The following RHOD variants were observed in gnomAD, a reference collection of about 807,000 sequenced individuals.
RHOD encodes the protein ras homolog family member D, also known as rho-related GTP-binding protein RhoD.
Under a neutral mutation model 16.7 loss-of-function variants are expected in RHOD, and 11 were observed. That is an observed-to-expected ratio of 0.66 (90% CI 0.41 to 1.09). The LOEUF is 1.09. RHOD is among the 50% of genes least tolerant of loss of function. The pLI is 0.00. For missense variants in RHOD, 271 were observed against 291.7 expected, an observed-to-expected ratio of 0.93 and a Z score of 0.52; for synonymous variants, 124 against 126.3, an observed-to-expected ratio of 0.98 and a Z score of 0.12.
intron 1 of RHOD, among the ~76,000 whole-genome samples, chr11:67,063,223 CT>C (rs1854913236): frequency 6.6e-6 from 1 of 151,946 alleles, no homozygotes; most frequent in Non-Finnish European, 1.5e-5. Flanking sequence ...GACCCCATCT[CT>C]GCAAAAAATA....
intron 1 of RHOD, among the ~76,000 whole-genome samples, chr11:67,058,989 G>A (rs1590667680): frequency 6.6e-6 from 1 of 152,230 alleles, no homozygotes; most frequent in Non-Finnish European, 1.5e-5. Flanking sequence ...TGATGGGCGG[G>A]GGCTGGAGGG....
rs747970286 is a variant in RHOD, at chr11:67,071,473, C to T, written c.504C>T (p.Tyr168=). Reference sequence around the variant, plus strand: ...CGAGGTCCGTGGGCGCGGTGGCCTACCTCGAGTGCTCGGCTCGGCTCCATG... The same window carrying T: ...CGAGGTCCGTGGGCGCGGTGGCCTATCTCGAGTGCTCGGCTCGGCTCCATG... ...EMARSVGAVA[Y]LECSARLHDN... Residue 168 remains tyrosine, a synonymous_variant, in exon 5 of 5, where the codon TAC becomes TAT. Transcript: ENST00000308831. 15 of 1,606,564 alleles carry T rather than the reference C, an allele frequency of 9.3e-6. No individual in the cohort carries two copies. The South Asian group carries it at 1.5e-4, about 16-fold the overall frequency.
chr11:67,067,579 G>A (rs549590369), intron 3 of RHOD, among the ~76,000 whole-genome samples: 1 of 152,304 alleles, frequency 6.6e-6, no homozygotes, highest in Admixed American at 6.5e-5. Context: ...ACCCAGGCAG[G>A]CTGCTCCGCC....
intron 2 of RHOD, among the ~76,000 whole-genome samples, chr11:67,066,357 G>C (rs1854959254): frequency 1.3e-5 from 2 of 152,234 alleles, no homozygotes; most frequent in Non-Finnish European, 2.9e-5. Flanking sequence ...GCTAAACTCA[G>C]GGCCTCCCAG....
At chr11:67,057,665 G>C (rs898676671) in intron 1 of RHOD, among the ~76,000 whole-genome samples, 3 of 152,232 alleles carry the variant, frequency 2.0e-5, no homozygotes, top group South Asian at 2.1e-4. Flanking sequence ...AGCCTCAGCT[G>C]CTGGGCCCGC....
At position 67,071,983 on chromosome 11, in the gene RHOD, A is replaced by G. The variant is rs1165453808; in HGVS notation, c.*381A>G. 1.8e-5 allele frequency: 4 copies of G among 218,106 alleles called. No homozygotes were observed. The highest frequency in any genetic ancestry group is 3.6e-5 in the Non-Finnish European group (4 of 111,704). The allele number at this position is 218,106 out of a possible 1,614,324, so 13.5% of individuals were successfully genotyped here. A position where few individuals can be genotyped will look rare whatever the true frequency, so the allele number is the denominator to read the frequency against. On this transcript the variant is annotated 3_prime_UTR_variant, in exon 5 of 5. Transcript: ENST00000308831. Reference sequence around the variant, plus strand: ...CACCCGGCCCCTTCCCACCTGTCATACTGGTAACTGTAACAAGAAAAACGA... The same window carrying G: ...CACCCGGCCCCTTCCCACCTGTCATGCTGGTAACTGTAACAAGAAAAACGA...
At chr11:67,065,168 C>T (rs1052223635) in intron 1 of RHOD, among the ~76,000 whole-genome samples, 14 of 152,050 alleles carry the variant, frequency 9.2e-5, no homozygotes, top group Non-Finnish European at 1.9e-4. Context: ...GTCCACCTCC[C>T]GGGTTCAAGC....
chr11:67,064,135 G>A lies in RHOD; in HGVS notation c.133-1761G>A, dbSNP rs376676667. Among the ~76,000 whole-genome samples the A allele has an allele frequency of 3.1e-3, 413 of 131,278 alleles. 1 individual carries two copies. The highest frequency in any genetic ancestry group is 0.011 in the African/African-American group (392 of 34,742). 86.1% of individuals were successfully genotyped at this position (131,278 alleles called of 152,430 possible). A position where few individuals can be genotyped will look rare whatever the true frequency, so the allele number is the denominator to read the frequency against. On this transcript the variant is annotated intron_variant, in intron 1 of 4. Coordinates refer to ENST00000308831, the MANE Select transcript of RHOD (RefSeq NM_014578.4). ...AAAAAAAAAAAAAAAGGCCGGGCGC[G>A]GTGGCTCACGCCTGTAATCCCAGCA... is the stretch of plus-strand genomic sequence containing the variant.
chr11:67,057,149 C>A, intron 1 of RHOD, 115 bp downstream of exon 1: 1 of 1,247,980 alleles, frequency 8.0e-7, no homozygotes, highest in Non-Finnish European at 1.0e-6. Flanking sequence ...GGTGTCCCAG[C>A]GGGGCCTGGG....
rs755901422 is a variant in RHOD, at chr11:67,065,953, C to T, written c.190C>T (p.Pro64Ser). The T allele has an allele frequency of 4.3e-6, 7 of 1,612,398 alleles. No homozygotes were observed. The East Asian group carries it at 1.6e-4, about 36-fold the overall frequency. Residue 64 changes from proline (P) to serine (S), a missense_variant, in exon 2 of 5, where the codon CCT becomes TCT. Transcript: ENST00000308831. ...GGTCAACCTGCAAGTGAAAGGCAAACCTGTGCACCTCCACATCTGGGACAC... is the reference window on the plus strand; with the variant it reads ...GGTCAACCTGCAAGTGAAAGGCAAATCTGTGCACCTCCACATCTGGGACAC... ...YMVNLQVKGK[P>S]VHLHIWDTAG... is the part of the protein sequence containing the mutation.
chr11:67,057,804 G>A (rs956733604), intron 1 of RHOD, among the ~76,000 whole-genome samples: 7 of 152,206 alleles, frequency 4.6e-5, no homozygotes, highest in Non-Finnish European at 1.0e-4. Flanking sequence ...CCCAGGGGAG[G>A]CTGACAGGCA....
At chr11:67,057,131 C>T in intron 1 of RHOD, 97 bp downstream of exon 1, 1 of 1,300,558 alleles carries the variant, frequency 7.7e-7, no homozygotes, top group South Asian at 2.1e-5. Context: ...CTAACCCGGC[C>T]TCCGAGGGGT....
chr11:67,066,086 G>A (rs1565352129), intron 2 of RHOD, 103 bp downstream of exon 2: 1 of 921,166 alleles, frequency 1.1e-6, no homozygotes, highest in Non-Finnish European at 1.7e-6. Context: ...AGGCCAGCCA[G>A]TCTCCAAGGG....
chr11:67,064,830 G>A (rs1854938290), intron 1 of RHOD, among the ~76,000 whole-genome samples: 1 of 152,044 alleles, frequency 6.6e-6, no homozygotes, highest in Non-Finnish European at 1.5e-5. Context: ...GATTGCTTGA[G>A]CCCAGGAGTT....
intron 1 of RHOD, among the ~76,000 whole-genome samples, chr11:67,064,380 G>A (rs987828543): frequency 2.7e-5 from 4 of 150,892 alleles, no homozygotes; most frequent in African/African-American, 9.8e-5. Flanking sequence ...ACTGCAGCCT[G>A]GGTGACAGAG....
rs1854865317 is a variant in RHOD at position 67,059,852 on chromosome 11, C to T, written c.132+2818C>T. Among the ~76,000 whole-genome samples the T allele has an allele frequency of 1.3e-5, 2 of 152,240 alleles. 1 individual carries two copies. The highest frequency in any genetic ancestry group is 4.1e-4 in the South Asian group (2 of 4,838). Reference sequence around the variant, plus strand: ...CCCTCGAAGCCCAAGGGGCCAGCAGCCAGGAGGCTGGAGTCCCATCTCCCA... The same window carrying T: ...CCCTCGAAGCCCAAGGGGCCAGCAGTCAGGAGGCTGGAGTCCCATCTCCCA... On this transcript the variant is annotated intron_variant, in intron 1 of 4. Transcript: ENST00000308831.
intron 1 of RHOD, among the ~76,000 whole-genome samples, chr11:67,063,879 G>A (rs1332524417): frequency 6.6e-6 from 1 of 151,146 alleles, no homozygotes; most frequent in African/African-American, 2.4e-5. Flanking sequence ...AGGCCAAGGT[G>A]GGCAGATCAC....
chr11:67,067,949 G>A (rs1200717543), intron 3 of RHOD, among the ~76,000 whole-genome samples: 4 of 152,074 alleles, frequency 2.6e-5, no homozygotes, highest in African/African-American at 7.2e-5. Flanking sequence ...ACAGGCGCCC[G>A]CCACCACGCC....
chr11:67,070,350 G>A (rs776756056), intron 3 of RHOD, 75 bp from the exon 4 acceptor site: 2 of 1,490,832 alleles, frequency 1.3e-6, no homozygotes, highest in Non-Finnish European at 1.9e-6. Context: ...GGGAGCAAGA[G>A]AGTGGTCCAC....
Sources: allele counts gnomAD v4.1 joint callset (sites outside exome capture counted in the v4.1 genomes callset), GRCh38; gene constraint gnomAD v4.1.1; transcripts MANE v1.5; gene names NCBI Gene and HGNC (gene_info 2026-07-23, HGNC 2026-07-21).